Variants in TECR observed in about 807,000 individuals in gnomAD.
The protein encoded by TECR is trans-2,3-enoyl-CoA reductase.
In TECR, 19 loss-of-function variants were observed where a neutral mutation model predicts 50.6. That is an observed-to-expected ratio of 0.38 (90% CI 0.26 to 0.55). TECR has a LOEUF of 0.55. Ranked by LOEUF, TECR falls within the 20% of genes least tolerant of loss-of-function variation. The pLI is 0.79. For synonymous variants in TECR, 168 were observed against 163.5 expected, an observed-to-expected ratio of 1.03 and a Z score of -0.21; for missense variants, 313 against 408.3, an observed-to-expected ratio of 0.77 and a Z score of 2.01.
intron 1 of TECR, 194 bp from the exon 2 acceptor site, chr19:14,562,331 G>A (rs1447591689): frequency 1.9e-5 from 13 of 668,754 alleles, no homozygotes; most frequent in African/African-American, 3.6e-5. Context: ...GGGGGCTGAC[G>A]GCCGGCAGCT....
chr19:14,533,116 AAAAT>A (rs771493531), intron 1 of TECR, among the ~76,000 whole-genome samples: 1 of 149,970 alleles, frequency 6.7e-6, no homozygotes, highest in African/African-American at 2.5e-5. Context: ...TGTTTTAAAA[AAAAT>A]AAATAAAGGA....
chr19:14,562,884 CT>C (rs1237343491), intron 2 of TECR, among the ~76,000 whole-genome samples: 2 of 152,070 alleles, frequency 1.3e-5, no homozygotes, highest in Non-Finnish European at 2.9e-5. Flanking sequence ...GACAGAGGGC[CT>C]TTGCTCCTGG....
intron 1 of TECR, among the ~76,000 whole-genome samples, chr19:14,558,422 T>A (rs1041230455): frequency 6.6e-6 from 1 of 152,060 alleles, no homozygotes; most frequent in Non-Finnish European, 1.5e-5. Flanking sequence ...TCTTGCAGGG[T>A]GCGCTTCACG....
chr19:14,563,526 C>G lies in TECR; in HGVS notation c.119-132C>G. The stretch of plus-strand genomic sequence containing the variant: ...CCGCACAAGCCTGAGGGTTTGCCCC[C>G]AGGTGGGAGGAGCTGTGGAGTCCTG... On this transcript the variant is annotated intron_variant, in intron 3 of 12. Transcript: ENST00000215567. This position sits in a 1 kb window ranked among gnomAD's most constrained non-coding sequence, Gnocchi z 5.3. 1 of 1,220,124 alleles carries G rather than the reference C, an allele frequency of 8.2e-7. No homozygotes were observed. Among genetic ancestry groups the G allele is most frequent in the Non-Finnish European group, 1.2e-6 (1 of 846,208 alleles). 75.6% of individuals were successfully genotyped at this position (1,220,124 alleles called of 1,614,324 possible).
chr19:14,549,427 A>C (rs957869995), intron 1 of TECR, among the ~76,000 whole-genome samples: 2 of 151,754 alleles, frequency 1.3e-5, no homozygotes, highest in Non-Finnish European at 2.9e-5. Context: ...TGGCCAGGCT[A>C]GTCTTGAACT....
At chr19:14,528,269 A>T (rs1599391449), upstream of TECR, among the ~76,000 whole-genome samples, 6 of 113,746 alleles carry the variant, frequency 5.3e-5, no homozygotes, top group East Asian at 1.0e-3. Flanking sequence ...TTTTTTTGAG[A>T]CGGTCTGTTG....
Position 14,565,649 on chromosome 19 carries a change from CGCAGTGTCTCCCAGGTGAG to C in TECR, c.786_799+5del. ...TCCTGGATCGGTTTCGCCATCATGA[CGCAGTGTCTCCCAGGTGAG>C]CCTGCCGCCCTCCCTCGGCGGGGCC... On this transcript the variant is annotated splice_donor_variant and splice_donor_5th_base_variant and coding_sequence_variant and intron_variant, in exon 12 of 13. Transcript: ENST00000215567. LOFTEE classifies it high-confidence loss of function. 6.2e-7 allele frequency: 1 copy of C among 1,612,510 alleles called. No homozygotes were observed. Among genetic ancestry groups the C allele is most frequent in the Non-Finnish European group, 8.5e-7 (1 of 1,179,782 alleles).
intron 1 of TECR, among the ~76,000 whole-genome samples, chr19:14,551,655 C>T (rs562941647): frequency 3.3e-5 from 5 of 152,110 alleles, no homozygotes; most frequent in Admixed American, 6.5e-5. Flanking sequence ...CCTGCCTGGG[C>T]CCCGCTGTGG....
At chr19:14,564,626 C>T (rs971633584) in intron 7 of TECR, 160 bp from the exon 8 acceptor site, 43 of 747,188 alleles carry the variant, frequency 5.8e-5, no homozygotes, top group Non-Finnish European at 8.9e-5. Context: ...GAGCCCTGCC[C>T]TAGCCTCACC....
At chr19:14,547,617 C>T (rs1268938393) in intron 1 of TECR, among the ~76,000 whole-genome samples, 2 of 151,244 alleles carry the variant, frequency 1.3e-5, no homozygotes, top group Non-Finnish European at 2.9e-5. Flanking sequence ...CTGCCTTGGC[C>T]TCCCAAAGTT....
Position 14,563,400 on chromosome 19 carries a change from G to T in TECR, c.118+143G>T. ...CCCAGGCTTCTGGGGCGTGACTGGG[G>T]CAGGCGCCTCCACGTGGCACTCCGC... On this transcript the variant is annotated intron_variant, in intron 3 of 12. Coordinates refer to ENST00000215567, the MANE Select transcript of TECR (RefSeq NM_138501.6). The surrounding 1 kb of genome is among the most constrained non-coding windows in gnomAD (Gnocchi z 5.3). 1.1e-6 allele frequency: 1 copy of T among 908,694 alleles called. No individual in the cohort carries two copies. Among genetic ancestry groups the T allele is most frequent in the Non-Finnish European group, 1.8e-6 (1 of 570,100 alleles). 56.3% of individuals were successfully genotyped at this position (908,694 alleles called of 1,614,324 possible).
chr19:14,564,791 C>T lies in TECR; in HGVS notation c.495C>T (p.Cys165=), dbSNP rs202182242. 145 of 1,613,578 alleles carry T rather than the reference C, an allele frequency of 9.0e-5. No individual in the cohort carries two copies. In the East Asian group the frequency reaches 3.1e-3, roughly 34 times the overall value. The change falls in exon 8 of 13, where the codon TGC becomes TGT. Residue 165 remains cysteine (C), a synonymous_variant. Coordinates refer to ENST00000215567, the MANE Select transcript of TECR (RefSeq NM_138501.6). The part of the protein sequence containing the change: ...TMPLRNIFKN[C]TYYWGFAAWM... ...CCTGCCCTGCTCCCTTTCAGAACTG[C>T]ACCTACTACTGGGGCTTCGCCGCGT...
intron 1 of TECR, among the ~76,000 whole-genome samples, chr19:14,539,028 C>T (rs1223914324): frequency 6.7e-6 from 1 of 149,032 alleles, no homozygotes; most frequent in East Asian, 2.0e-4. Context: ...GGCTGGAGTT[C>T]AGTGGCTCCA....
In TECR at chr19:14,563,093, C is replaced by G; in HGVS notation, c.67-113C>G. On this transcript the variant is annotated intron_variant, in intron 2 of 12. Transcript: ENST00000215567. This position sits in a 1 kb window ranked among gnomAD's most constrained non-coding sequence, Gnocchi z 5.3. ...GCAGAGGCCTGGACCCCAGCCCTTC[C>G]CCCTTCCCATAGCTACAGCCCAACC... The G allele has an allele frequency of 7.3e-7, 1 of 1,371,140 alleles. No homozygotes were observed. Among genetic ancestry groups the G allele is most frequent in the Admixed American group, 1.9e-5 (1 of 53,076 alleles). The allele number at this position is 1,371,140 out of a possible 1,614,324, so 84.9% of individuals were successfully genotyped here.
intron 1 of TECR, among the ~76,000 whole-genome samples, chr19:14,560,177 G>A (rs2073861966): frequency 6.6e-6 from 1 of 152,240 alleles, no homozygotes; most frequent in Non-Finnish European, 1.5e-5. Flanking sequence ...GACCCCGATG[G>A]CCGTACTCTC....
At chr19:14,538,936 G>A (rs1168123571) in intron 1 of TECR, among the ~76,000 whole-genome samples, 1 of 151,466 alleles carries the variant, frequency 6.6e-6, no homozygotes, top group Non-Finnish European at 1.5e-5. Flanking sequence ...AGATGCCAGT[G>A]CCTCAGTTTT....
At chr19:14,561,955 C>T in intron 1 of TECR, 1 of 200,400 alleles carries the variant, frequency 5.0e-6, no homozygotes, top group Non-Finnish European at 1.0e-5. Context: ...TCTCACTCTC[C>T]TCTAGCCACT....
At chr19:14,544,126 G>A (rs537925553) in intron 1 of TECR, among the ~76,000 whole-genome samples, 1 of 152,114 alleles carries the variant, frequency 6.6e-6, no homozygotes, top group African/African-American at 2.4e-5. Flanking sequence ...TACTGGTGTG[G>A]GGATGGTTTC....
At chr19:14,556,013 C>T (rs2073708320) in intron 1 of TECR, among the ~76,000 whole-genome samples, 1 of 152,200 alleles carries the variant, frequency 6.6e-6, no homozygotes, top group Admixed American at 6.5e-5. Flanking sequence ...AGCCAAGTCT[C>T]ATCCCTCCTC....
Sources: gnomAD v4.1 joint callset for allele counts (sites outside exome capture counted in the v4.1 genomes callset) on GRCh38, gnomAD v4.1.1 for gene constraint, Gnocchi (gnomAD v3.1) non-coding constraint, MANE v1.5 for transcripts, NCBI Gene and HGNC (gene_info 2026-07-23, HGNC 2026-07-21) for gene names.